Variants in CCDC38 observed in about 807,000 individuals in gnomAD.
The protein encoded by CCDC38 is coiled-coil domain-containing protein 38.
In CCDC38, 69 loss-of-function variants were observed where a neutral mutation model predicts 72.8. The observed-to-expected ratio is 0.95, with a 90% CI of 0.78 to 1.16. CCDC38 has a LOEUF of 1.16. CCDC38 is among the 50% of genes most tolerant of loss of function. The pLI is 0.00. For synonymous variants in CCDC38, 201 were observed against 213.2 expected, an observed-to-expected ratio of 0.94 and a Z score of 0.50; for missense variants, 626 against 638.9, an observed-to-expected ratio of 0.98 and a Z score of 0.22.
chr12:95,897,834 G>A (rs1039536718), intron 7 of CCDC38, among the ~76,000 whole-genome samples: 1 of 152,014 alleles, frequency 6.6e-6, no homozygotes, highest in East Asian at 1.9e-4. Context: ...GGGCTCAAGC[G>A]ATCCTCCCGC....
chr12:95,893,330 C>T, intron 8 of CCDC38, among the ~76,000 whole-genome samples: 1 of 136,872 alleles, frequency 7.3e-6, no homozygotes, highest in East Asian at 2.0e-4. Context: ...TTCCTTTGCC[C>T]TTCCCTTCCC....
intron 13 of CCDC38, among the ~76,000 whole-genome samples, chr12:95,874,633 G>A (rs2079616716): frequency 6.6e-6 from 1 of 152,182 alleles, no homozygotes; most frequent in Admixed American, 6.5e-5. Flanking sequence ...CCCCATCCCT[G>A]GAACTGCCCC....
At chr12:95,873,275 C>G (rs893172209) in intron 13 of CCDC38, among the ~76,000 whole-genome samples, 3 of 152,186 alleles carry the variant, frequency 2.0e-5, no homozygotes, top group African/African-American at 4.8e-5. Flanking sequence ...CTTAAACTTA[C>G]AACTAAAACA....
At chr12:95,872,071 A>C (rs1011307058) in intron 14 of CCDC38, among the ~76,000 whole-genome samples, 184 bp downstream of exon 14, 2 of 151,984 alleles carry the variant, frequency 1.3e-5, no homozygotes, top group African/African-American at 4.8e-5. Context: ...TTTATTTCCT[A>C]AGAGTATTTG....
intron 2 of CCDC38, among the ~76,000 whole-genome samples, chr12:95,932,538 C>A (rs1202870025): frequency 6.6e-6 from 1 of 151,968 alleles, no homozygotes; most frequent in Non-Finnish European, 1.5e-5. Flanking sequence ...CATATTTGAA[C>A]CCCGAGCAGC....
At chr12:95,928,540 G>A (rs1485160876) in intron 2 of CCDC38, among the ~76,000 whole-genome samples, 1 of 152,194 alleles carries the variant, frequency 6.6e-6, no homozygotes, top group East Asian at 1.9e-4. Context: ...CTCTCAGCTC[G>A]TCAAAGTCAT....
chr12:95,933,111 G>C (rs1369162865), intron 2 of CCDC38: 1 of 152,098 alleles, frequency 6.6e-6, no homozygotes, highest in Admixed American at 6.5e-5. Context: ...AGAACATATA[G>C]GTTTTATCAT....
At chr12:95,894,396 A>G (rs2079863325) in intron 8 of CCDC38, among the ~76,000 whole-genome samples, 1 of 152,106 alleles carries the variant, frequency 6.6e-6, no homozygotes, top group Non-Finnish European at 1.5e-5. Flanking sequence ...CCATGCATAT[A>G]TTTTTATTGC....
intron 4 of CCDC38, among the ~76,000 whole-genome samples, chr12:95,910,424 A>G (rs1476258648): frequency 6.6e-6 from 1 of 152,192 alleles, no homozygotes; most frequent in African/African-American, 2.4e-5. Flanking sequence ...AGATGACACA[A>G]ACAAATTGAA....
chr12:95,872,130 T>G, intron 14 of CCDC38, 125 bp downstream of exon 14: 1 of 796,432 alleles, frequency 1.3e-6, no homozygotes, highest in Non-Finnish European at 2.1e-6. Flanking sequence ...AGAGCAGGGC[T>G]GGATTTCATT....
intron 2 of CCDC38, chr12:95,934,470 G>T (rs1592810145): frequency 6.6e-6 from 1 of 152,120 alleles, no homozygotes; most frequent in Non-Finnish European, 1.5e-5. Context: ...TGACCCAAGA[G>T]TTTTGTATCT....
chr12:95,896,871 T>C (rs2079894832), intron 7 of CCDC38, among the ~76,000 whole-genome samples: 1 of 152,178 alleles, frequency 6.6e-6, no homozygotes, highest in African/African-American at 2.4e-5. Flanking sequence ...GCAAGACCAT[T>C]TGGAGGGCTC....
At chr12:95,917,702 T>A (rs2080160692) in intron 3 of CCDC38, among the ~76,000 whole-genome samples, 1 of 149,458 alleles carries the variant, frequency 6.7e-6, no homozygotes, top group Admixed American at 6.7e-5. Flanking sequence ...GAGAAACCCC[T>A]CTCTACTAAA....
chr12:95,931,526 ACT>A (rs921690676), intron 2 of CCDC38, among the ~76,000 whole-genome samples: 12 of 151,988 alleles, frequency 7.9e-5, no homozygotes, highest in African/African-American at 2.9e-4. Flanking sequence ...CCTTACTGAC[ACT>A]CTATTTGTCT....
At chr12:95,887,582 G>C (rs954598966) in intron 10 of CCDC38, among the ~76,000 whole-genome samples, 3 of 152,192 alleles carry the variant, frequency 2.0e-5, no homozygotes, top group Non-Finnish European at 4.4e-5. Flanking sequence ...ACGCATTGGC[G>C]GTTGCCAGGG....
chr12:95,881,435 G>GT (rs2121431495), intron 11 of CCDC38, 50 bp downstream of exon 11: 1 of 1,315,896 alleles, frequency 7.6e-7, no homozygotes, highest in South Asian at 1.3e-5. Flanking sequence ...ATGATCATCA[G>GT]TATTTTTCAC....
intron 13 of CCDC38, among the ~76,000 whole-genome samples, chr12:95,872,893 T>A (rs1302324561): frequency 6.6e-6 from 1 of 152,220 alleles, no homozygotes; most frequent in Non-Finnish European, 1.5e-5. Context: ...TTTTAATAAA[T>A]CATTGAGAAA....
chr12:95,910,955 C>T (rs556675602), intron 4 of CCDC38, among the ~76,000 whole-genome samples: 3 of 152,232 alleles, frequency 2.0e-5, no homozygotes, highest in South Asian at 4.1e-4. Context: ...GCAAAAAGAA[C>T]GAAGTTGGAC....
At chr12:95,928,584 A>T (rs1010751084) in intron 2 of CCDC38, among the ~76,000 whole-genome samples, 5 of 152,166 alleles carry the variant, frequency 3.3e-5, no homozygotes, top group Non-Finnish European at 7.3e-5. Context: ...GCTGGTGAGG[A>T]ACTGCGTTCC....
Sources: gnomAD v4.1 joint callset for allele counts (sites outside exome capture counted in the v4.1 genomes callset) on GRCh38, gnomAD v4.1.1 for gene constraint, MANE v1.5 for transcripts, NCBI Gene and HGNC (gene_info 2026-07-23, HGNC 2026-07-21) for gene names.